Variants in DACH2 observed in about 807,000 individuals in gnomAD.
DACH2 encodes dachshund family transcription factor 2.
DACH2 carries 17 observed loss-of-function variants against 35.8 expected under a neutral mutation model. The observed-to-expected ratio is 0.48, with a 90% CI of 0.33 to 0.71. The LOEUF (loss-of-function observed/expected upper bound fraction) is 0.71, where lower values mean the gene tolerates loss of function less well. DACH2 is among the 30% of genes least tolerant of loss of function. The pLI is 0.02. For missense variants in DACH2, 469 were observed against 472.7 expected (o/e 0.99, Z 0.07); for synonymous variants, 195 against 177.3 (o/e 1.10, Z -0.79).
Position 86,787,614 on chromosome X carries a change from G to A in DACH2, c.1241-25242G>A, listed in dbSNP as rs189075023. The stretch of plus-strand genomic sequence containing the variant: ...TCCTGGGCAACAAGAGTGAAACTCA[G>A]TCTCAAAAAAAAAAAAAAAAAAGAA... On this transcript the variant is annotated intron_variant, in intron 7 of 11. Transcript: ENST00000373125. Among the ~76,000 whole-genome samples, 396 of 53,034 alleles carry A rather than the reference G, an allele frequency of 7.5e-3. 1 individual carries two copies. Among genetic ancestry groups the A allele is most frequent in the Non-Finnish European group, 0.011 (319 of 27,883 alleles). The allele number at this position is 53,034 out of a possible 115,157, so 46.1% of individuals were successfully genotyped here.
intron 1 of DACH2, among the ~76,000 whole-genome samples, chrX:86,340,391 CG>C (rs752737019): frequency 1.8e-5 from 2 of 111,277 alleles, no homozygotes; most frequent in Admixed American, 9.6e-5. Flanking sequence ...GTAATTATTT[CG>C]GAACACCACA....
chrX:86,427,659 CT>C (rs1193723861), intron 2 of DACH2, among the ~76,000 whole-genome samples: 1 of 111,163 alleles, frequency 9.0e-6, no homozygotes, highest in Non-Finnish European at 1.9e-5. Flanking sequence ...AAAAAGAATT[CT>C]TTTAACCAAA....
chrX:86,612,616 A>G (rs2039959742), intron 3 of DACH2, among the ~76,000 whole-genome samples: 1 of 111,911 alleles, frequency 8.9e-6, no homozygotes, highest in South Asian at 3.7e-4. Context: ...CATAATAGCT[A>G]TGCTTTCCCT....
At chrX:86,779,862 A>G (rs923171370) in intron 7 of DACH2, among the ~76,000 whole-genome samples, 1 of 112,034 alleles carries the variant, frequency 8.9e-6, no homozygotes, top group African/African-American at 3.2e-5. Flanking sequence ...GGCTGCTGGC[A>G]TGTATATGCA....
chrX:86,503,564 T>TACTCACTTTCCACTCTGTG (rs1306792959), intron 2 of DACH2, among the ~76,000 whole-genome samples: 2 of 112,313 alleles, frequency 1.8e-5, no homozygotes, highest in African/African-American at 6.5e-5. Context: ...GACTCTCACA[T>TACTCACTTTCCACTCTGTG]GAAATGCAGA....
At chrX:86,717,200 G>T (rs761962195) in intron 6 of DACH2, among the ~76,000 whole-genome samples, 3 of 111,365 alleles carry the variant, frequency 2.7e-5, no homozygotes, top group African/African-American at 9.8e-5. Context: ...AATGTACATT[G>T]TACCCAGTGA....
chrX:86,308,257 T>A (rs1418898764), intron 1 of DACH2, among the ~76,000 whole-genome samples: 1 of 112,722 alleles, frequency 8.9e-6, no homozygotes, highest in East Asian at 2.8e-4. Context: ...TCCCTAAAGG[T>A]GGGAACCACA....
chrX:86,619,814 AT>A (rs2040049015), intron 3 of DACH2, among the ~76,000 whole-genome samples: 1 of 112,018 alleles, frequency 8.9e-6, no homozygotes, highest in African/African-American at 3.2e-5. Context: ...CACTCTGATA[AT>A]TTAATGACAT....
chrX:86,174,025 G>A (rs1488052285), intron 1 of DACH2, among the ~76,000 whole-genome samples: 1 of 110,644 alleles, frequency 9.0e-6, no homozygotes, highest in Non-Finnish European at 1.9e-5. Context: ...CAGGAATTTG[G>A]CATATACAAC....
At chrX:86,473,757 T>G (rs2037796337) in intron 2 of DACH2, among the ~76,000 whole-genome samples, 1 of 111,674 alleles carries the variant, frequency 9.0e-6, no homozygotes, top group Non-Finnish European at 1.9e-5. Flanking sequence ...ATGTTTTCTA[T>G]ATTCATTCAT....
intron 6 of DACH2, among the ~76,000 whole-genome samples, chrX:86,727,332 G>T (rs1198766923): frequency 9.0e-6 from 1 of 111,472 alleles, no homozygotes; most frequent in Non-Finnish European, 1.9e-5. Flanking sequence ...TATGAGACTA[G>T]GGCACATTAT....
chrX:86,503,320 C>T (rs1443157529), intron 2 of DACH2, among the ~76,000 whole-genome samples: 1 of 111,999 alleles, frequency 8.9e-6, no homozygotes, highest in Non-Finnish European at 1.9e-5. Context: ...CTGAACTGAA[C>T]TGATCACTAA....
intron 6 of DACH2, among the ~76,000 whole-genome samples, chrX:86,718,957 T>C (rs1023135039): frequency 1.8e-5 from 2 of 112,231 alleles, no homozygotes; most frequent in East Asian, 5.5e-4. Context: ...ATTTGGTTAT[T>C]TGTGCTCTTT....
At chrX:86,285,832 T>C (rs2034133047) in intron 1 of DACH2, among the ~76,000 whole-genome samples, 1 of 111,624 alleles carries the variant, frequency 9.0e-6, no homozygotes. Context: ...ATTTTCTTTA[T>C]ACATTTCGGT....
intron 1 of DACH2, among the ~76,000 whole-genome samples, chrX:86,174,126 T>G (rs1297227748): frequency 9.9e-6 from 1 of 100,877 alleles, no homozygotes; most frequent in Non-Finnish European, 2.0e-5. Context: ...GTTGTTTTTT[T>G]TTTTTTTTTT....
intron 2 of DACH2, among the ~76,000 whole-genome samples, chrX:86,399,568 G>T (rs1036186471): frequency 1.8e-5 from 2 of 111,685 alleles, no homozygotes; most frequent in Non-Finnish European, 3.8e-5. Flanking sequence ...CTCTTTTAGG[G>T]CAGGTCTGGT....
intron 1 of DACH2, among the ~76,000 whole-genome samples, chrX:86,313,542 G>A (rs1364359191): frequency 8.9e-6 from 1 of 112,047 alleles, no homozygotes; most frequent in African/African-American, 3.2e-5. Flanking sequence ...ATTACTACCT[G>A]TGAAACTTGG....
At chrX:86,782,560 A>C (rs771645337) in intron 7 of DACH2, among the ~76,000 whole-genome samples, 2 of 111,954 alleles carry the variant, frequency 1.8e-5, no homozygotes, top group African/African-American at 6.5e-5. Flanking sequence ...AAATAGACAC[A>C]TAAACCAATG....
At chrX:86,229,178 T>C (rs1417848670) in intron 1 of DACH2, among the ~76,000 whole-genome samples, 1 of 112,101 alleles carries the variant, frequency 8.9e-6, no homozygotes, top group Non-Finnish European at 1.9e-5. Flanking sequence ...TTCGTTCTCC[T>C]ACATGTGGCT....
Sources: gnomAD v4.1 joint callset for allele counts (sites outside exome capture counted in the v4.1 genomes callset) on GRCh38, gnomAD v4.1.1 for gene constraint, MANE v1.5 for transcripts, NCBI Gene and HGNC (gene_info 2026-07-23, HGNC 2026-07-21) for gene names.